CADPS2: variants seen among roughly 807,000 people sequenced by gnomAD.
CADPS2 encodes calcium dependent secretion activator 2.
CADPS2 carries 93 observed loss-of-function variants against 172.5 expected under a neutral mutation model. The observed-to-expected ratio is 0.54, with a 90% CI of 0.46 to 0.64. The LOEUF is 0.64. Among genes scored for constraint, CADPS2 ranks in the 30% least tolerant of loss-of-function variants. The pLI is 0.00. For synonymous variants in CADPS2, 546 were observed against 555.2 expected (o/e 0.98, Z 0.23); for missense variants, 1,420 against 1,565.9 (o/e 0.91, Z 1.57).
chr7:122,843,349 G>A (rs1289889005), intron 1 of CADPS2, among the ~76,000 whole-genome samples: 2 of 152,046 alleles, frequency 1.3e-5, no homozygotes, highest in African/African-American at 4.8e-5. Context: ...ATCTGCCACA[G>A]TGGAAAAAAG....
At chr7:122,721,919 A>G (rs1013870957) in intron 2 of CADPS2, among the ~76,000 whole-genome samples, 5 of 152,186 alleles carry the variant, frequency 3.3e-5, no homozygotes, top group Admixed American at 2.6e-4. Flanking sequence ...TCCAGCATAT[A>G]AACAGAACCA....
chr7:122,648,426 A>G (rs1313190815), intron 3 of CADPS2, among the ~76,000 whole-genome samples: 1 of 152,188 alleles, frequency 6.6e-6, no homozygotes, highest in Non-Finnish European at 1.5e-5. Context: ...TGGACAATCA[A>G]TATTTGACTT....
chr7:122,794,751 TTA>T (rs993829805), intron 1 of CADPS2, among the ~76,000 whole-genome samples: 3 of 146,682 alleles, frequency 2.0e-5, no homozygotes, highest in African/African-American at 7.5e-5. Flanking sequence ...TGAAATCATT[TTA>T]AAAAAAAAAA....
intron 1 of CADPS2, among the ~76,000 whole-genome samples, chr7:122,740,423 T>C (rs1353220317): frequency 1.3e-5 from 2 of 152,238 alleles, no homozygotes; most frequent in East Asian, 3.9e-4. Context: ...CTTAAATGCA[T>C]ATTACTATGT....
chr7:122,638,898 CAT>C (rs914951633), intron 3 of CADPS2, among the ~76,000 whole-genome samples: 3 of 152,148 alleles, frequency 2.0e-5, no homozygotes, highest in East Asian at 3.9e-4. Context: ...TTAGAGAGTC[CAT>C]GTTTACTCGT....
Position 122,711,942 on chromosome 7 carries a change from C to T in CADPS2, c.453+25013G>A, listed in dbSNP as rs1027051716. 7.0e-4 allele frequency among the ~76,000 whole-genome samples: 106 copies of T among 152,038 alleles called. 2 individuals are homozygous for T. Among genetic ancestry groups the T allele is most frequent in the Non-Finnish European group, 4.6e-4 (31 of 68,010 alleles). On this transcript the variant is annotated intron_variant, in intron 2 of 29. Transcript: ENST00000449022. ...CTGGGATTACAGGTGTGAGCCACCACGTCCAGCCATGTTTTTTATTTTTGT... is the reference window on the plus strand; with the variant it reads ...CTGGGATTACAGGTGTGAGCCACCATGTCCAGCCATGTTTTTTATTTTTGT...
In CADPS2 at chr7:122,554,591, C is replaced by T; in HGVS notation, c.1434G>A (p.Leu478=). Residue 478 remains leucine (L), a synonymous_variant, in exon 8 of 30, where the codon CTG becomes CTA. Coordinates refer to ENST00000449022, the MANE Select transcript of CADPS2 (RefSeq NM_017954.11). ...NSQDSDLKIK[L]AVRMDKPAHM... Reference sequence around the variant, plus strand: ...GTGCTGGTTTATCCATTCGCACTGCCAGTTTGATTTTTAAGTCAGAATCCT... The same window carrying T: ...GTGCTGGTTTATCCATTCGCACTGCTAGTTTGATTTTTAAGTCAGAATCCT... 6.2e-7 allele frequency: 1 copy of T among 1,611,432 alleles called. No homozygotes were observed. The highest frequency in any genetic ancestry group is 8.5e-7 in the Non-Finnish European group (1 of 1,178,670).
intron 7 of CADPS2, among the ~76,000 whole-genome samples, chr7:122,571,061 T>C (rs2067193094): frequency 2.6e-5 from 4 of 151,540 alleles, no homozygotes; most frequent in Admixed American, 6.6e-5. Flanking sequence ...AAAAAGAGAA[T>C]AACAGGACAA....
intron 9 of CADPS2, among the ~76,000 whole-genome samples, chr7:122,505,022 T>C (rs2059505543): frequency 6.6e-6 from 1 of 152,216 alleles, no homozygotes; most frequent in Non-Finnish European, 1.5e-5. Context: ...CTATTTCTAA[T>C]GGACATTATC....
At chr7:122,665,001 T>C (rs1244612269) in intron 2 of CADPS2, among the ~76,000 whole-genome samples, 2 of 150,686 alleles carry the variant, frequency 1.3e-5, no homozygotes, top group South Asian at 2.1e-4. Flanking sequence ...GTCTCATTTA[T>C]ATGACTCAGG....
intron 1 of CADPS2, among the ~76,000 whole-genome samples, chr7:122,794,784 C>G (rs1391491863): frequency 1.3e-5 from 2 of 149,966 alleles, no homozygotes; most frequent in Non-Finnish European, 3.0e-5. Context: ...CTGACAACAG[C>G]ATAATCAAAT....
At chr7:122,578,488 T>A (rs555968708) in intron 7 of CADPS2, among the ~76,000 whole-genome samples, 1 of 152,158 alleles carries the variant, frequency 6.6e-6, no homozygotes, top group African/African-American at 2.4e-5. Context: ...CCAACTTTGG[T>A]GTGTCTTAAA....
intron 11 of CADPS2, among the ~76,000 whole-genome samples, chr7:122,483,051 GA>G (rs1370273743): frequency 6.6e-6 from 1 of 152,162 alleles, no homozygotes; most frequent in Non-Finnish European, 1.5e-5. Context: ...TGTTGGTCCA[GA>G]AATGGGGAAA....
chr7:122,539,127 C>T (rs1004642261), intron 8 of CADPS2, among the ~76,000 whole-genome samples: 3 of 152,034 alleles, frequency 2.0e-5, no homozygotes, highest in Admixed American at 6.6e-5. Context: ...TTGAATGTGT[C>T]TCCCAAAGTT....
At chr7:122,374,903 A>G (rs554696601) in intron 25 of CADPS2, among the ~76,000 whole-genome samples, 59 of 152,302 alleles carry the variant, frequency 3.9e-4, no homozygotes, top group African/African-American at 1.4e-3. Context: ...CTGTATACTA[A>G]CAATGCACTA....
chr7:122,612,241 AG>A (rs1223537726), intron 6 of CADPS2, among the ~76,000 whole-genome samples: 4 of 152,090 alleles, frequency 2.6e-5, no homozygotes, highest in Admixed American at 6.6e-5. Context: ...TAAATTAGAC[AG>A]GAAGAAGTTA....
At chr7:122,819,614 T>C (rs900326456) in intron 1 of CADPS2, among the ~76,000 whole-genome samples, 1 of 144,426 alleles carries the variant, frequency 6.9e-6, no homozygotes, top group Non-Finnish European at 1.5e-5. Context: ...CCAACTCTGG[T>C]GCCAACTTAG....
chr7:122,618,373 C>G (rs2133932807), intron 5 of CADPS2, among the ~76,000 whole-genome samples: 1 of 151,982 alleles, frequency 6.6e-6, no homozygotes, highest in African/African-American at 2.4e-5. Context: ...AGAAATATAA[C>G]CTTCCTGCAA....
chr7:122,752,402 C>T (rs918972294), intron 1 of CADPS2, among the ~76,000 whole-genome samples: 3 of 151,980 alleles, frequency 2.0e-5, no homozygotes, highest in African/African-American at 7.3e-5. Context: ...CTGAAATGTA[C>T]CTGGATAACA....
Sources: allele counts gnomAD v4.1 joint callset (sites outside exome capture counted in the v4.1 genomes callset), GRCh38; gene constraint gnomAD v4.1.1; transcripts MANE v1.5; gene names NCBI Gene and HGNC (gene_info 2026-07-23, HGNC 2026-07-21).